The following HCN2 variants were observed in gnomAD, a reference collection of about 807,000 sequenced individuals.
The protein encoded by HCN2 is potassium/sodium hyperpolarization-activated cyclic nucleotide-gated channel 2.
In HCN2, 20 loss-of-function variants were observed where a neutral mutation model predicts 52.3. The observed-to-expected ratio is 0.38, with a 90% CI of 0.27 to 0.56. The LOEUF is 0.56. HCN2 is among the 20% of genes least tolerant of loss of function. HCN2 has a pLI of 0.71. For missense variants in HCN2, 981 were observed against 1,207.7 expected, an observed-to-expected ratio of 0.81 and a Z score of 2.78; for synonymous variants, 694 against 537.0, an observed-to-expected ratio of 1.29 and a Z score of -4.04.
At position 592,137 on chromosome 19, in the gene HCN2, C is replaced by A. The variant is rs1361634835; in HGVS notation, c.632+1560C>A. 1.3e-5 allele frequency among the ~76,000 whole-genome samples: 2 copies of A among 152,210 alleles called. No homozygotes were observed. Among genetic ancestry groups the A allele is most frequent in the African/African-American group, 4.8e-5 (2 of 41,450 alleles). On this transcript the variant is annotated intron_variant, in intron 1 of 7. Transcript: ENST00000251287. The surrounding 1 kb of genome is among the most constrained non-coding windows in gnomAD (Gnocchi z 4.8). ...GGACTGGACTTCCAGGGCTGCTGGT[C>A]GGCCTGGCCCCACTTCCAGTCGGGC...
At position 613,530 on chromosome 19, in the gene HCN2, C is replaced by T. The variant is rs376305137; in HGVS notation, c.1825+42C>T. 152 of 1,326,196 alleles carry T rather than the reference C, an allele frequency of 1.1e-4. 4 individuals are homozygous for T. The highest frequency in any genetic ancestry group is 9.5e-4 in the South Asian group (79 of 83,588). The allele number at this position is 1,326,196 out of a possible 1,614,324, so 82.2% of individuals were successfully genotyped here. A position where few individuals can be genotyped will look rare whatever the true frequency, so the allele number is the denominator to read the frequency against. ...CGCGCCTGGAGGGGGAGGGGGCACG[C>T]GACCCCCGCGGTGTGCAGAGCCAGG... On this transcript the variant is annotated intron_variant, in intron 6 of 7. Transcript: ENST00000251287.
rs184926093 is a variant in HCN2, at chr19:597,711, T to C, written c.633-5833T>C. Among the ~76,000 whole-genome samples the C allele has an allele frequency of 7.8e-4, 106 of 135,660 alleles. 1 individual carries two copies. The highest frequency in any genetic ancestry group is 2.4e-3 in the African/African-American group (86 of 35,480). 89.0% of individuals were successfully genotyped at this position (135,660 alleles called of 152,430 possible). A position where few individuals can be genotyped will look rare whatever the true frequency, so the allele number is the denominator to read the frequency against. On this transcript the variant is annotated intron_variant, in intron 1 of 7. Coordinates refer to ENST00000251287, the MANE Select transcript of HCN2 (RefSeq NM_001194.4). The stretch of plus-strand genomic sequence containing the variant: ...AGGTCTCCTTGGTGGTTTCTAGGTC[T>C]TCCTGGTGGTTTCTAGGTCCTCCTG...
chr19:605,212 A>G lies in HCN2; in HGVS notation c.1208A>G (p.Asn403Ser). Reference protein sequence around the residue: ...DFPRNCWVSINGMVNHSWSEL... With the variant: ...DFPRNCWVSISGMVNHSWSEL... ...CCGCGCAACTGCTGGGTGTCCATCAATGGCATGGTGGTGAGCGCCGCGGGC... is the reference window on the plus strand; with the variant it reads ...CCGCGCAACTGCTGGGTGTCCATCAGTGGCATGGTGGTGAGCGCCGCGGGC... Residue 403 changes from asparagine to serine, a missense_variant, in exon 3 of 8, where the codon AAT becomes AGT. Coordinates refer to ENST00000251287, the MANE Select transcript of HCN2 (RefSeq NM_001194.4). The G allele has an allele frequency of 2.5e-6, 4 of 1,610,478 alleles. No individual in the cohort carries two copies. Among genetic ancestry groups the G allele is most frequent in the Non-Finnish European group, 3.4e-6 (4 of 1,179,394 alleles).
At position 591,669 on chromosome 19, in the gene HCN2, T is replaced by A. The variant is rs1013962467; in HGVS notation, c.632+1092T>A. ...GGCCGGGCGCGCGGGACGGGCGCGG[T>A]TTCAGCACCACGGACAGCGCGCCGG... On this transcript the variant is annotated intron_variant, in intron 1 of 7. Transcript: ENST00000251287. This position sits in a 1 kb window ranked among gnomAD's most constrained non-coding sequence, Gnocchi z 4.1. 6.6e-6 allele frequency among the ~76,000 whole-genome samples: 1 copy of A among 151,446 alleles called. No individual in the cohort carries two copies. Among genetic ancestry groups the A allele is most frequent in the African/African-American group, 2.4e-5 (1 of 41,164 alleles).
intron 1 of HCN2, among the ~76,000 whole-genome samples, chr19:593,638 G>A (rs12973177): frequency 0.31 from 47,378 of 152,004 alleles, 9,097 homozygotes; most frequent in African/African-American, 0.55. Context: ...AGAAAAGGAA[G>A]AAGAAGTGCA....
rs1982910778 is a variant in HCN2, at chr19:592,786, C to T, written c.632+2209C>T. Among the ~76,000 whole-genome samples, 1 of 152,140 alleles carries T rather than the reference C, an allele frequency of 6.6e-6. No individual in the cohort carries two copies. Among genetic ancestry groups the T allele is most frequent in the South Asian group, 2.1e-4 (1 of 4,814 alleles). ...TCTCAAAAGCTCCCTAAGCAGGCGG[C>T]CGGACCCTGCTGTGGAGGGTGTTTT... On this transcript the variant is annotated intron_variant, in intron 1 of 7. Transcript: ENST00000251287. The surrounding 1 kb of genome is among the most constrained non-coding windows in gnomAD (Gnocchi z 4.8).
Position 603,709 on chromosome 19 carries a change from C to T in HCN2, c.798C>T (p.Gly266=), listed in dbSNP as rs1983296573. The stretch of plus-strand genomic sequence containing the variant: ...ACCTGGTGTTGAACTTCCGCACCGG[C>T]ATTGTGATCGAGGACAACACGGAGA... ...LMDLVLNFRT[G]IVIEDNTEII... The change falls in exon 2 of 8, where the codon GGC becomes GGT. Residue 266 remains glycine (G), a synonymous_variant. Coordinates refer to ENST00000251287, the MANE Select transcript of HCN2 (RefSeq NM_001194.4). The T allele has an allele frequency of 2.5e-6, 4 of 1,612,736 alleles. No homozygotes were observed. Among genetic ancestry groups the T allele is most frequent in the Middle Eastern group, 1.6e-4 (1 of 6,076 alleles).
In HCN2 at chr19:616,276, G is replaced by A; in HGVS notation, c.2472G>A (p.Gln824=). 1 of 1,054,324 alleles carries A rather than the reference G, an allele frequency of 9.5e-7. No homozygotes were observed. The highest frequency in any genetic ancestry group is 1.1e-6 in the Non-Finnish European group (1 of 876,932). 65.3% of individuals were successfully genotyped at this position (1,054,324 alleles called of 1,614,324 possible). ...CGTCGCGCCCACTGTCCGCCTCGCA[G>A]CCCTCGCTGCCTCACGGCGCCCCCG... ...SRASRPLSAS[Q]PSLPHGAPGP... is the part of the protein sequence containing the mutation. The change falls in exon 8 of 8, where the codon CAG becomes CAA. Residue 824 remains glutamine, a synonymous_variant. Transcript: ENST00000251287.
At chr19:602,496 C>A (rs1031730155) in intron 1 of HCN2, among the ~76,000 whole-genome samples, 1 of 152,196 alleles carries the variant, frequency 6.6e-6, no homozygotes. Context: ...TTCCTGTGGC[C>A]CCTGTGGAGG....
rs990156453 is a variant in HCN2 at position 617,029 on chromosome 19, G to A, written c.*555G>A. 5 of 530,618 alleles carry A rather than the reference G, an allele frequency of 9.4e-6. No individual in the cohort carries two copies. Among genetic ancestry groups the A allele is most frequent in the African/African-American group, 5.7e-5 (3 of 52,344 alleles). 32.9% of individuals were successfully genotyped at this position (530,618 alleles called of 1,614,324 possible). A position where few individuals can be genotyped will look rare whatever the true frequency, so the allele number is the denominator to read the frequency against. On this transcript the variant is annotated 3_prime_UTR_variant, in exon 8 of 8. Coordinates refer to ENST00000251287, the MANE Select transcript of HCN2 (RefSeq NM_001194.4). ...GGCCTGGCTGCGCAGGGCGCGGGGG[G>A]GAGGCTGGGGTCCCGCCGCCGTGAT...
chr19:607,309 C>G (rs934772092), intron 3 of HCN2, among the ~76,000 whole-genome samples: 1 of 152,276 alleles, frequency 6.6e-6, no homozygotes, highest in African/African-American at 2.4e-5. Context: ...GCCTTTGTCC[C>G]TGCCTGGGGA....
chr19:599,847 CGTGTGTGTGTGTGTGTGTGT>C (rs34793549), intron 1 of HCN2, among the ~76,000 whole-genome samples: 72 of 133,402 alleles, frequency 5.4e-4, no homozygotes, highest in African/African-American at 1.4e-3. Flanking sequence ...GAAGGGGTCC[CGTGTGTGTGTGTGTGTGTGT>C]GTGTGTGTGT....
intron 5 of HCN2, among the ~76,000 whole-genome samples, chr19:611,533 C>T (rs1028485820): frequency 2.0e-5 from 3 of 152,184 alleles, no homozygotes; most frequent in African/African-American, 7.2e-5. Context: ...TCTGGGGGGG[C>T]GTGTACACCC....
intron 1 of HCN2, among the ~76,000 whole-genome samples, chr19:596,617 G>A (rs1050957657): frequency 6.6e-6 from 1 of 152,212 alleles, no homozygotes; most frequent in African/African-American, 2.4e-5. Context: ...GACAGCTGAG[G>A]GGGGCCTGTC....
intron 1 of HCN2, 84 bp from the exon 2 acceptor site, chr19:603,460 T>C (rs11881654): frequency 0.14 from 147,793 of 1,062,794 alleles, 13,485 homozygotes; most frequent in South Asian, 0.37. Flanking sequence ...GCGCCCCTCG[T>C]CCCCCAAGGA....
At chr19:611,908 G>A (rs1273518557) in intron 5 of HCN2, among the ~76,000 whole-genome samples, 2 of 152,174 alleles carry the variant, frequency 1.3e-5, no homozygotes, top group Non-Finnish European at 2.9e-5. Context: ...CACTTTCAGA[G>A]GCCGAGACGG....
intron 1 of HCN2, among the ~76,000 whole-genome samples, chr19:598,122 C>G (rs1983094121): frequency 6.6e-6 from 1 of 152,194 alleles, no homozygotes; most frequent in South Asian, 2.1e-4. Flanking sequence ...GTGGCATCCC[C>G]TCAGCCCACT....
At chr19:608,898 C>G (rs1322701307) in intron 4 of HCN2, among the ~76,000 whole-genome samples, 3 of 152,148 alleles carry the variant, frequency 2.0e-5, no homozygotes, top group Non-Finnish European at 4.4e-5. Context: ...TGGGTTAATC[C>G]TAGGCTTGGC....
At chr19:595,479 C>T (rs1025364625) in intron 1 of HCN2, among the ~76,000 whole-genome samples, 3 of 151,916 alleles carry the variant, frequency 2.0e-5, no homozygotes, top group South Asian at 2.1e-4. Flanking sequence ...CCCGAGGCCG[C>T]CCACCGGCCT....
Sources: allele counts gnomAD v4.1 joint callset (sites outside exome capture counted in the v4.1 genomes callset), GRCh38; gene constraint gnomAD v4.1.1; non-coding constraint Gnocchi (gnomAD v3.1); transcripts MANE v1.5; gene names NCBI Gene and HGNC (gene_info 2026-07-23, HGNC 2026-07-21).